Variants in POGLUT3 observed in about 807,000 individuals in gnomAD.
POGLUT3 encodes the protein protein O-glucosyltransferase 3.
POGLUT3 carries 48 observed loss-of-function variants against 54.3 expected under a neutral mutation model. That is an observed-to-expected ratio of 0.88 (90% CI 0.70 to 1.12). The LOEUF (loss-of-function observed/expected upper bound fraction) is 1.12. Among genes scored for constraint, POGLUT3 ranks in the 50% most tolerant of loss-of-function variants. POGLUT3 has a pLI of 0.00. For missense variants in POGLUT3, 629 were observed against 618.7 expected (o/e 1.02, Z -0.18); for synonymous variants, 218 against 237.4 (o/e 0.92, Z 0.75).
At chr11:108,486,633 C>G in intron 2 of POGLUT3, 193 bp from the exon 3 acceptor site, 1 of 602,282 alleles carries the variant, frequency 1.7e-6, no homozygotes, top group Non-Finnish European at 2.9e-6. Context: ...CTTGGATAAA[C>G]AGTTTAGTAT....
chr11:108,479,990 C>T (rs1387797896), intron 5 of POGLUT3, among the ~76,000 whole-genome samples: 2 of 152,112 alleles, frequency 1.3e-5, no homozygotes, highest in East Asian at 1.9e-4. Flanking sequence ...CCCACCACTG[C>T]AGCCAGCTAA....
chr11:108,489,391 A>C (rs2093609123), intron 2 of POGLUT3, among the ~76,000 whole-genome samples: 1 of 152,202 alleles, frequency 6.6e-6, no homozygotes, highest in South Asian at 2.1e-4. Context: ...CCACAAATCC[A>C]AAACACAGGA....
chr11:108,479,298 T>C lies in POGLUT3; in HGVS notation c.1293+3A>G. 3.8e-6 allele frequency: 6 copies of C among 1,596,638 alleles called. 1 individual carries two copies. The highest frequency in any genetic ancestry group is 3.4e-4 in the Middle Eastern group (2 of 5,926). On this transcript the variant is annotated splice_donor_region_variant and intron_variant, in intron 6 of 7. Coordinates refer to ENST00000323468, the MANE Select transcript of POGLUT3 (RefSeq NM_153705.5). ...AAAGAAATAAAAATTGCTGGACGCA[T>C]ACCTTAGCCCATTTAACTTTCTCTA...
intron 1 of POGLUT3, among the ~76,000 whole-genome samples, chr11:108,493,252 T>A (rs1210696082): frequency 2.0e-5 from 3 of 152,238 alleles, no homozygotes; most frequent in Admixed American, 2.0e-4. Context: ...TCAAAATGTA[T>A]GTATACAACT....
At chr11:108,476,881 T>C (rs1429500681) in intron 7 of POGLUT3, among the ~76,000 whole-genome samples, 1 of 152,150 alleles carries the variant, frequency 6.6e-6, no homozygotes, top group African/African-American at 2.4e-5. Flanking sequence ...TCAAGGAGAA[T>C]AAGGAGGCGA....
intron 7 of POGLUT3, among the ~76,000 whole-genome samples, chr11:108,475,469 G>GTTTTTTTT (rs1288287741): frequency 7.6e-6 from 1 of 130,926 alleles, no homozygotes; most frequent in Admixed American, 8.4e-5. Context: ...TTTTGTTTTT[G>GTTTTTTTT]TTTTTTTTTT....
In POGLUT3 at chr11:108,498,315, CCAGCAGGGCGAGGCGCAGCTGCAG is replaced by C. The variant is rs1325717920; in HGVS notation, c.28_51del (p.Leu10_Leu17del). The C allele has an allele frequency of 7.0e-7, 1 of 1,437,502 alleles. No homozygotes were observed. The highest frequency in any genetic ancestry group is 9.2e-7 in the Non-Finnish European group (1 of 1,092,834). 89.0% of individuals were successfully genotyped at this position (1,437,502 alleles called of 1,614,324 possible). A position where few individuals can be genotyped will look rare whatever the true frequency, so the allele number is the denominator to read the frequency against. ...AGCACCTCCGGGGCCCCCGCGGCCACCAGCAGGGCGAGGCGCAGCTGCAGCAGCAGGGCCCGCGGGAGGCGGCGC... is the reference window on the plus strand; with the variant it reads ...AGCACCTCCGGGGCCCCCGCGGCCACCAGCAGGGCCCGCGGGAGGCGGCGC... On this transcript the variant is annotated inframe_deletion, in exon 1 of 8. Coordinates refer to ENST00000323468, the MANE Select transcript of POGLUT3 (RefSeq NM_153705.5).
Position 108,481,252 on chromosome 11 carries a change from T to C in POGLUT3, c.1026A>G (p.Gly342=). The C allele has an allele frequency of 1.2e-6, 2 of 1,613,192 alleles. No homozygotes were observed. The highest frequency in any genetic ancestry group is 1.7e-6 in the Non-Finnish European group (2 of 1,179,726). Residue 342 remains glycine, a synonymous_variant, in exon 5 of 8, where the codon GGA becomes GGG. Coordinates refer to ENST00000323468, the MANE Select transcript of POGLUT3 (RefSeq NM_153705.5). ...NPQLLDAGIT[G]YFFFQEKEKE... ...TTTCTTTCTCTTGGAAAAAGAAATA[T>C]CCTGTAATTCCTGCATCTAGTAGCT...
chr11:108,492,986 A>G (rs139019911), intron 1 of POGLUT3, among the ~76,000 whole-genome samples: 17 of 152,334 alleles, frequency 1.1e-4, no homozygotes, highest in Admixed American at 3.3e-4. Context: ...TCCCTCCCCA[A>G]ACTGGAAATG....
intron 6 of POGLUT3, chr11:108,477,978 A>G (rs550253695): frequency 5.3e-5 from 20 of 374,826 alleles, no homozygotes; most frequent in Non-Finnish European, 7.7e-5. Flanking sequence ...GTGAAACCCC[A>G]TCTCTACTAA....
intron 1 of POGLUT3, among the ~76,000 whole-genome samples, chr11:108,494,003 A>C (rs2093617760): frequency 6.6e-6 from 1 of 152,218 alleles, no homozygotes; most frequent in Non-Finnish European, 1.5e-5. Flanking sequence ...AAGCATATTT[A>C]GAAATTCACT....
At chr11:108,495,070 G>A (rs189548891) in intron 1 of POGLUT3, among the ~76,000 whole-genome samples, 53 of 151,816 alleles carry the variant, frequency 3.5e-4, no homozygotes, top group African/African-American at 1.3e-3. Context: ...TTTGTTATCT[G>A]GGTACTTGGA....
In POGLUT3 at chr11:108,474,653, T is replaced by A; in HGVS notation, c.*174A>T. On this transcript the variant is annotated 3_prime_UTR_variant, in exon 8 of 8. Transcript: ENST00000323468. ...CTGAAGCCTGAAACACTCCTGGTCCTAAGCATTTCAGATGAGGGATACTCA... is the reference window on the plus strand; with the variant it reads ...CTGAAGCCTGAAACACTCCTGGTCCAAAGCATTTCAGATGAGGGATACTCA... 1.8e-6 allele frequency: 1 copy of A among 555,776 alleles called. No homozygotes were observed. Among genetic ancestry groups the A allele is most frequent in the South Asian group, 3.6e-5 (1 of 27,714 alleles). 34.4% of individuals were successfully genotyped at this position (555,776 alleles called of 1,614,324 possible). A position where few individuals can be genotyped will look rare whatever the true frequency, so the allele number is the denominator to read the frequency against.
In POGLUT3 at chr11:108,481,168, T is replaced by A; in HGVS notation, c.1098+12A>T. 6.3e-7 allele frequency: 1 copy of A among 1,587,796 alleles called. No homozygotes were observed. The highest frequency in any genetic ancestry group is 1.2e-5 in the South Asian group (1 of 85,806). ...TCGCTTCATATCCATAGAAGAAGACTCAAATGCATACCTTAAAGAAATCAA... is the reference window on the plus strand; with the variant it reads ...TCGCTTCATATCCATAGAAGAAGACACAAATGCATACCTTAAAGAAATCAA... On this transcript the variant is annotated intron_variant, in intron 5 of 7. Coordinates refer to ENST00000323468, the MANE Select transcript of POGLUT3 (RefSeq NM_153705.5).
intron 3 of POGLUT3, among the ~76,000 whole-genome samples, chr11:108,483,676 A>ATTG (rs2093597005): frequency 6.6e-6 from 1 of 151,666 alleles, no homozygotes; most frequent in South Asian, 2.1e-4. Context: ...TATTATTATT[A>ATTG]TTATTATTTT....
chr11:108,487,365 G>A (rs997303412), intron 2 of POGLUT3, among the ~76,000 whole-genome samples: 2 of 152,146 alleles, frequency 1.3e-5, no homozygotes. Flanking sequence ...ATGTCCTGAG[G>A]GTTGTGTCAT....
At chr11:108,495,983 G>C (rs1484893850) in intron 1 of POGLUT3, among the ~76,000 whole-genome samples, 3 of 151,962 alleles carry the variant, frequency 2.0e-5, no homozygotes, top group African/African-American at 7.3e-5. Context: ...TTTTTCGTTT[G>C]TTTAAATATA....
At chr11:108,477,484 C>T in intron 7 of POGLUT3, 123 bp downstream of exon 7, 1 of 647,920 alleles carries the variant, frequency 1.5e-6, no homozygotes, top group East Asian at 2.7e-5. Context: ...AGTGCCTTGG[C>T]TTAGCCAGTG....
intron 1 of POGLUT3, among the ~76,000 whole-genome samples, chr11:108,496,916 C>A: frequency 6.6e-6 from 1 of 152,250 alleles, no homozygotes; most frequent in East Asian, 1.9e-4. Flanking sequence ...CCGAACACCA[C>A]GGTCTCCTAC....
Sources: gnomAD v4.1 joint callset for allele counts (sites outside exome capture counted in the v4.1 genomes callset) on GRCh38, gnomAD v4.1.1 for gene constraint, MANE v1.5 for transcripts, NCBI Gene and HGNC (gene_info 2026-07-23, HGNC 2026-07-21) for gene names.